Variants in PPP4R3A observed in about 807,000 individuals in gnomAD.
PPP4R3A encodes serine/threonine-protein phosphatase 4 regulatory subunit 3A.
A neutral mutation model predicts 91.7 loss-of-function variants in PPP4R3A; 15 were observed. That is an observed-to-expected ratio of 0.16 (90% CI 0.11 to 0.25). The LOEUF (loss-of-function observed/expected upper bound fraction) is 0.25, where lower values mean the gene tolerates loss of function less well. Ranked by LOEUF, PPP4R3A falls within the 10% of genes least tolerant of loss-of-function variation. The pLI, the probability that PPP4R3A is intolerant of heterozygous loss-of-function variation, is 1.00. For missense variants in PPP4R3A, 623 were observed against 998.4 expected (o/e 0.62, Z 5.07); for synonymous variants, 377 against 348.7 (o/e 1.08, Z -0.91).
chr14:91,487,063 A>G (rs1380579128), intron 2 of PPP4R3A, among the ~76,000 whole-genome samples: 1 of 151,770 alleles, frequency 6.6e-6, no homozygotes, highest in African/African-American at 2.4e-5. Flanking sequence ...CCTGGCCAAC[A>G]GGTAAAGCCC....
intron 1 of PPP4R3A, among the ~76,000 whole-genome samples, chr14:91,491,034 G>A (rs543976222): frequency 1.4e-4 from 21 of 148,906 alleles, no homozygotes; most frequent in South Asian, 8.6e-4. Flanking sequence ...GCCTCCCAAG[G>A]AGCTGGGATT....
chr14:91,479,422 C>T (rs1399293671), intron 4 of PPP4R3A, among the ~76,000 whole-genome samples: 1 of 151,194 alleles, frequency 6.6e-6, no homozygotes, highest in African/African-American at 2.4e-5. Context: ...GGCTTGAGTG[C>T]GGTGGCATGA....
At chr14:91,499,419 T>G (rs1234554366) in intron 1 of PPP4R3A, among the ~76,000 whole-genome samples, 1 of 152,112 alleles carries the variant, frequency 6.6e-6, no homozygotes, top group East Asian at 1.9e-4. Flanking sequence ...AAATGAGATC[T>G]GTGTATCCTG....
chr14:91,473,463 C>A, intron 7 of PPP4R3A, 93 bp from the exon 8 acceptor site: 1 of 1,350,704 alleles, frequency 7.4e-7, no homozygotes, highest in Non-Finnish European at 9.9e-7. Flanking sequence ...TATACCTAGG[C>A]TCTAGCTGTT....
chr14:91,507,394 T>TATACTATAATTATATACACTATATA (rs1566660222), intron 1 of PPP4R3A, among the ~76,000 whole-genome samples: 2 of 59,668 alleles, frequency 3.4e-5, no homozygotes, highest in South Asian at 1.0e-3. Flanking sequence ...ATATAGTATA[T>TATACTATAATTATATACACTATATA]GTACTATAAT....
Position 91,460,841 on chromosome 14 carries a change from G to A in PPP4R3A, c.2391+540C>T, listed in dbSNP as rs557381870. ...TCACCACGTTAGCCAGGACGGTCTC[G>A]ATCTCCTGACCTCGTGTCCTGCCCG... On this transcript the variant is annotated intron_variant, in intron 14 of 14. Transcript: ENST00000554943. Among the ~76,000 whole-genome samples the A allele has an allele frequency of 1.9e-4, 29 of 151,822 alleles. 1 individual carries two copies. The highest frequency in any genetic ancestry group is 1.0e-3 in the Admixed American group (16 of 15,256).
intron 14 of PPP4R3A, among the ~76,000 whole-genome samples, chr14:91,460,637 C>CCTTT (rs1888080927): frequency 9.0e-6 from 1 of 111,282 alleles, no homozygotes. Context: ...GATTTTGTTC[C>CCTTT]TTTTTTTTTT....
intron 9 of PPP4R3A, among the ~76,000 whole-genome samples, chr14:91,471,335 T>C (rs1034770936): frequency 6.6e-6 from 1 of 152,204 alleles, no homozygotes; most frequent in Non-Finnish European, 1.5e-5. Context: ...CCAGGTACCT[T>C]AGCATGTTCT....
rs558756309 is a variant in PPP4R3A, at chr14:91,491,188, T to C, written c.143-386A>G. On this transcript the variant is annotated intron_variant, in intron 1 of 14. Transcript: ENST00000554943. Reference sequence around the variant, plus strand: ...TCCCAAGGTGCTGGCATTACACCCGTGAGCCACTGCGCCTGGCCTCAAAAA... The same window carrying C: ...TCCCAAGGTGCTGGCATTACACCCGCGAGCCACTGCGCCTGGCCTCAAAAA... Among the ~76,000 whole-genome samples the C allele has an allele frequency of 2.1e-3, 322 of 152,126 alleles. 1 individual carries two copies. Among genetic ancestry groups the C allele is most frequent in the Middle Eastern group, 6.8e-3 (2 of 294 alleles).
intron 7 of PPP4R3A, 129 bp from the exon 8 acceptor site, chr14:91,473,499 A>G (rs1888975951): frequency 2.1e-6 from 2 of 958,200 alleles, no homozygotes; most frequent in African/African-American, 3.3e-5. Flanking sequence ...TGAAATGTTT[A>G]ACTCAGTTAT....
chr14:91,507,396 T>C (rs1891394929), intron 1 of PPP4R3A, among the ~76,000 whole-genome samples: 1 of 50,996 alleles, frequency 2.0e-5, no homozygotes, highest in Non-Finnish European at 5.8e-5. Context: ...ATAGTATATG[T>C]ACTATAATTA....
intron 1 of PPP4R3A, among the ~76,000 whole-genome samples, chr14:91,507,479 AG>A (rs750510396): frequency 1.5e-5 from 2 of 129,448 alleles, no homozygotes; most frequent in Non-Finnish European, 1.5e-5. Context: ...TATATACTAT[AG>A]TTATATATAC....
At chr14:91,508,216 A>G (rs1420892029) in intron 1 of PPP4R3A, among the ~76,000 whole-genome samples, 1 of 152,320 alleles carries the variant, frequency 6.6e-6, no homozygotes, top group South Asian at 2.1e-4. Context: ...CCAAAAGAAA[A>G]TAATTTCTCT....
At chr14:91,494,495 A>G (rs1890420018) in intron 1 of PPP4R3A, among the ~76,000 whole-genome samples, 1 of 152,210 alleles carries the variant, frequency 6.6e-6, no homozygotes, top group South Asian at 2.1e-4. Context: ...AATTTATCCA[A>G]AACGGATATA....
chr14:91,507,395 G>GATAGTATATA (rs1891394683), intron 1 of PPP4R3A, among the ~76,000 whole-genome samples: 1 of 71,452 alleles, frequency 1.4e-5, no homozygotes, highest in African/African-American at 5.6e-5. Context: ...TATAGTATAT[G>GATAGTATATA]TACTATAATT....
chr14:91,478,846 AG>A (rs1479569108), intron 4 of PPP4R3A, among the ~76,000 whole-genome samples: 12 of 152,236 alleles, frequency 7.9e-5, no homozygotes, highest in Admixed American at 2.6e-4. Flanking sequence ...GCTACCAGGC[AG>A]CTCTTACTAC....
At chr14:91,490,717 G>A in intron 2 of PPP4R3A, 30 bp downstream of exon 2, 3 of 1,573,392 alleles carry the variant, frequency 1.9e-6, no homozygotes, top group Non-Finnish European at 1.7e-6. Context: ...AGGAAAATAT[G>A]CAAGATAAAA....
chr14:91,461,753 TACTA>T, intron 13 of PPP4R3A, 146 bp from the exon 14 acceptor site: 1 of 902,876 alleles, frequency 1.1e-6, no homozygotes. Context: ...CTTACCAAAA[TACTA>T]ACCACAATTC....
chr14:91,463,414 C>G (rs967416158), intron 11 of PPP4R3A, among the ~76,000 whole-genome samples: 1 of 151,852 alleles, frequency 6.6e-6, no homozygotes, highest in African/African-American at 2.4e-5. Flanking sequence ...CTAGGTGATT[C>G]TGATTCTGAT....
Sources: allele counts gnomAD v4.1 joint callset (sites outside exome capture counted in the v4.1 genomes callset), GRCh38; gene constraint gnomAD v4.1.1; transcripts MANE v1.5; gene names NCBI Gene and HGNC (gene_info 2026-07-23, HGNC 2026-07-21).